Variants in SRD5A2 observed in about 807,000 individuals in gnomAD.
SRD5A2 encodes steroid 5 alpha-reductase 2, also known as 3-oxo-5-alpha-steroid 4-dehydrogenase 2.
A neutral mutation model predicts 27.4 loss-of-function variants in SRD5A2; 30 were observed. The observed-to-expected ratio is 1.10, with a 90% CI of 0.82 to 1.49. SRD5A2 has a LOEUF of 1.49. Ranked by LOEUF, SRD5A2 falls within the 40% of genes most tolerant of loss-of-function variation. The pLI, the probability that SRD5A2 is intolerant of heterozygous loss-of-function variation, is 0.00. For missense variants in SRD5A2, 348 were observed against 323.4 expected, an observed-to-expected ratio of 1.08 and a Z score of -0.58; for synonymous variants, 141 against 133.6, an observed-to-expected ratio of 1.06 and a Z score of -0.38.
upstream of SRD5A2, among the ~76,000 whole-genome samples, chr2:31,582,917 G>C (rs192770586): frequency 1.7e-5 from 2 of 117,052 alleles, no homozygotes; most frequent in East Asian, 4.6e-4. Context: ...TTCAAACCCA[G>C]CTCAATGGAA....
At chr2:31,557,845 G>C (rs17011470) in intron 1 of SRD5A2, among the ~76,000 whole-genome samples, 1 of 152,120 alleles carries the variant, frequency 6.6e-6, no homozygotes, top group African/African-American at 2.4e-5. Flanking sequence ...AACTCATCAC[G>C]AAAGCAGCCT....
the SRD5A2 span, among the ~76,000 whole-genome samples, chr2:31,652,061 C>T: frequency 3.9e-5 from 6 of 152,200 alleles, no homozygotes; most frequent in Admixed American, 3.9e-4. Flanking sequence ...AGGACGGAGG[C>T]AATCCTCCCA....
chr2:31,551,207 C>A (rs1399634185), intron 1 of SRD5A2, among the ~76,000 whole-genome samples: 1 of 151,876 alleles, frequency 6.6e-6, no homozygotes, highest in Admixed American at 6.6e-5. Context: ...AATTAAAGAT[C>A]TTTTTTAAAT....
chr2:31,641,952 GA>G, the SRD5A2 span, among the ~76,000 whole-genome samples: 7 of 151,420 alleles, frequency 4.6e-5, no homozygotes, highest in African/African-American at 1.7e-4. Flanking sequence ...AAATAAGTCT[GA>G]AAAAAAAGAA....
At chr2:31,584,412 A>C (rs1667143335), upstream of SRD5A2, among the ~76,000 whole-genome samples, 1 of 152,208 alleles carries the variant, frequency 6.6e-6, no homozygotes, top group African/African-American at 2.4e-5. Flanking sequence ...AATATCCAGC[A>C]TTCCTAAAAT....
chr2:31,570,454 G>C (rs1364378774), intron 1 of SRD5A2, among the ~76,000 whole-genome samples: 2 of 152,110 alleles, frequency 1.3e-5, no homozygotes, highest in African/African-American at 4.8e-5. Context: ...CATTCCCCTT[G>C]AAAACTAGAA....
chr2:31,586,265 G>T, the SRD5A2 span, among the ~76,000 whole-genome samples: 1 of 152,098 alleles, frequency 6.6e-6, no homozygotes, highest in Non-Finnish European at 1.5e-5. Context: ...GACTTCAAAG[G>T]TTTTTTACTC....
intron 1 of SRD5A2, among the ~76,000 whole-genome samples, chr2:31,551,251 A>C (rs1163580875): frequency 6.6e-6 from 1 of 152,132 alleles, no homozygotes; most frequent in Admixed American, 6.5e-5. Context: ...TAAAAGACTC[A>C]ATATAGCAAG....
intron 4 of SRD5A2, among the ~76,000 whole-genome samples, chr2:31,528,622 G>T (rs1665831846): frequency 6.6e-6 from 1 of 152,114 alleles, no homozygotes; most frequent in African/African-American, 2.4e-5. Context: ...CAAAAAGTTA[G>T]CTGGGCATGG....
chr2:31,603,392 T>A, the SRD5A2 span, among the ~76,000 whole-genome samples: 1 of 151,582 alleles, frequency 6.6e-6, no homozygotes, highest in Admixed American at 6.6e-5. Context: ...TATTAAGAAG[T>A]CAAAAAATAA....
At chr2:31,530,009 C>A (rs28383060) in intron 3 of SRD5A2, among the ~76,000 whole-genome samples, 1 of 152,128 alleles carries the variant, frequency 6.6e-6, no homozygotes, top group African/African-American at 2.4e-5. Flanking sequence ...GTAGGAGCTG[C>A]AGGTATTTGT....
the SRD5A2 span, among the ~76,000 whole-genome samples, chr2:31,646,245 A>C: frequency 2.0e-5 from 3 of 152,106 alleles, no homozygotes; most frequent in South Asian, 4.1e-4. Flanking sequence ...TCAGAATTTT[A>C]TTTACATTAA....
chr2:31,643,825 T>A, the SRD5A2 span, among the ~76,000 whole-genome samples: 1 of 152,188 alleles, frequency 6.6e-6, no homozygotes, highest in Non-Finnish European at 1.5e-5. Context: ...GTGTCCATGC[T>A]GATATGAATA....
At position 31,580,666 on chromosome 2, in the gene SRD5A2, G is replaced by C; in HGVS notation, c.235C>G (p.Pro79Ala). ...AAGAGGCCCAGAAGTACCGTCCCAG[G>C]TGGCCCGAAGAGGGAGAGGGGCTGC... is the stretch of plus-strand genomic sequence containing the variant. Reference protein sequence around the residue: ...ARQPLSLFGPPGTVLLGLFCL... With the variant: ...ARQPLSLFGPAGTVLLGLFCL... Residue 79 changes from proline (P) to alanine (A), a missense_variant, in exon 1 of 5, where the codon CCT becomes GCT. Coordinates refer to ENST00000622030, the MANE Select transcript of SRD5A2 (RefSeq NM_000348.4). The C allele has an allele frequency of 6.3e-7, 1 of 1,594,866 alleles. No homozygotes were observed. Among genetic ancestry groups the C allele is most frequent in the African/African-American group, 1.3e-5 (1 of 74,922 alleles).
At chr2:31,626,498 A>G in the SRD5A2 span, among the ~76,000 whole-genome samples, 2 of 152,146 alleles carry the variant, frequency 1.3e-5, no homozygotes, top group South Asian at 4.1e-4. Flanking sequence ...TGGGTTTGTC[A>G]TGAATATCTC....
the SRD5A2 span, among the ~76,000 whole-genome samples, chr2:31,611,335 C>A: frequency 6.6e-6 from 1 of 151,950 alleles, no homozygotes; most frequent in Admixed American, 6.6e-5. Context: ...GTTATGCAAC[C>A]GTAGTAACTG....
chr2:31,617,581 T>C, the SRD5A2 span, among the ~76,000 whole-genome samples: 5 of 151,922 alleles, frequency 3.3e-5, no homozygotes, highest in African/African-American at 4.8e-5. Context: ...CTCTGCTTCC[T>C]CTTGAATGCT....
At chr2:31,622,294 C>G in the SRD5A2 span, among the ~76,000 whole-genome samples, 2 of 152,124 alleles carry the variant, frequency 1.3e-5, no homozygotes, top group East Asian at 3.8e-4. Flanking sequence ...TACACAGGAC[C>G]TGATCTCATT....
the SRD5A2 span, among the ~76,000 whole-genome samples, chr2:31,625,477 G>T: frequency 6.6e-6 from 1 of 151,982 alleles, no homozygotes; most frequent in South Asian, 2.1e-4. Flanking sequence ...TTTCTTCCAG[G>T]GTTTTTATGG....
Sources: gnomAD v4.1 joint callset for allele counts (sites outside exome capture counted in the v4.1 genomes callset) on GRCh38, gnomAD v4.1.1 for gene constraint, MANE v1.5 for transcripts, NCBI Gene and HGNC (gene_info 2026-07-23, HGNC 2026-07-21) for gene names.